The following FOCAD variants were observed in gnomAD, a reference collection of about 807,000 sequenced individuals.
The protein encoded by FOCAD is KIAA1797.
In FOCAD, 198 loss-of-function variants were observed where a neutral mutation model predicts 225.6. That is an observed-to-expected ratio of 0.88 (90% CI 0.78 to 0.99). The LOEUF is 0.99. Among genes scored for constraint, FOCAD ranks in the 50% least tolerant of loss-of-function variants. The probability of loss-of-function intolerance (pLI) is 0.00; values close to 1 mark genes in which losing one functional copy is unlikely to be tolerated. For missense variants in FOCAD, 2,713 were observed against 2,123.6 expected (o/e 1.28, Z -5.46); for synonymous variants, 897 against 755.0 (o/e 1.19, Z -3.08).
rs1837226294 is a variant in FOCAD, at chr9:20,946,773, G to A, written c.3628G>A (p.Glu1210Lys). ...SAGIIEATEA[E>K]DVMNKLRLLV... ...TGGAATTATTGAGGCTACAGAGGCT[G>A]AGGATGTTATGAACAAGCTTCGACT... Residue 1210 changes from glutamate to lysine, a missense_variant, in exon 30 of 44, where the codon GAG (glutamate) becomes AAG (lysine). Transcript: ENST00000338382. 2 of 1,613,758 alleles carry A rather than the reference G, an allele frequency of 1.2e-6. No homozygotes were observed. Among genetic ancestry groups the A allele is most frequent in the Admixed American group, 1.7e-5 (1 of 60,000 alleles).
chr9:20,940,911 A>AT lies in FOCAD; in HGVS notation c.3408-3715dup, dbSNP rs1836588385. ...GGAAAGCAGTTTGATGCTGGACAGT[A>AT]TACTGTGTATTTATTTTTTTTCTGA... On this transcript the variant is annotated intron_variant, in intron 28 of 43. Coordinates refer to ENST00000338382, the MANE Select transcript of FOCAD (RefSeq NM_001375567.1). Among the ~76,000 whole-genome samples, 4 of 152,144 alleles carry AT rather than the reference A, an allele frequency of 2.6e-5. No individual in the cohort carries two copies. In the South Asian group the frequency reaches 8.3e-4, roughly 32 times the overall value.
chr9:20,838,613 G>T (rs1272406110), intron 15 of FOCAD, among the ~76,000 whole-genome samples: 2 of 152,042 alleles, frequency 1.3e-5, no homozygotes, highest in African/African-American at 4.8e-5. Flanking sequence ...CCACTTGTTT[G>T]GCTCAGGTAC....
intron 4 of FOCAD, among the ~76,000 whole-genome samples, chr9:20,728,240 T>G (rs1826375786): frequency 6.6e-6 from 1 of 152,136 alleles, no homozygotes; most frequent in Non-Finnish European, 1.5e-5. Context: ...GGACCAGAAG[T>G]GTTTCAGATT....
At chr9:20,825,709 T>C (rs574056444) in intron 15 of FOCAD, among the ~76,000 whole-genome samples, 4 of 152,222 alleles carry the variant, frequency 2.6e-5, no homozygotes, top group South Asian at 4.1e-4. Context: ...ATGAACTCTT[T>C]CATCTTGAAA....
intron 28 of FOCAD, among the ~76,000 whole-genome samples, chr9:20,941,200 C>T (rs773583199): frequency 6.6e-6 from 1 of 152,160 alleles, no homozygotes. Flanking sequence ...ATGGACATCT[C>T]CCTGCTGAAA....
At chr9:20,833,067 C>A (rs1318133235) in intron 15 of FOCAD, among the ~76,000 whole-genome samples, 1 of 151,972 alleles carries the variant, frequency 6.6e-6, no homozygotes, top group East Asian at 1.9e-4. Context: ...TTTTTAGTTT[C>A]TTTAAGAACC....
At chr9:20,744,583 C>G (rs1227509509) in intron 5 of FOCAD, among the ~76,000 whole-genome samples, 1 of 152,186 alleles carries the variant, frequency 6.6e-6, no homozygotes, top group African/African-American at 2.4e-5. Flanking sequence ...TCTGTCTGCA[C>G]ATTAGAGCCC....
At chr9:20,761,023 G>GA (rs1054755711) in intron 6 of FOCAD, among the ~76,000 whole-genome samples, 1 of 151,650 alleles carries the variant, frequency 6.6e-6, no homozygotes, top group Non-Finnish European at 1.5e-5. Flanking sequence ...GATTTTTTGG[G>GA]GGGGGGCGTT....
At chr9:20,944,830 C>T (rs1225177403) in intron 29 of FOCAD, 56 bp downstream of exon 29, 1 of 1,524,300 alleles carries the variant, frequency 6.6e-7, no homozygotes, top group Non-Finnish European at 8.9e-7. Flanking sequence ...TTTCTTCTTG[C>T]CACTTATTTT....
At chr9:20,898,197 TA>T (rs1241677030) in intron 21 of FOCAD, among the ~76,000 whole-genome samples, 22 of 152,022 alleles carry the variant, frequency 1.4e-4, no homozygotes, top group African/African-American at 5.3e-4. Context: ...TTAAATACAA[TA>T]TACAAATACC....
At chr9:20,843,989 A>C (rs960965131) in intron 15 of FOCAD, among the ~76,000 whole-genome samples, 1 of 152,164 alleles carries the variant, frequency 6.6e-6, no homozygotes, top group Admixed American at 6.6e-5. Context: ...ATGAAAGACA[A>C]CCTTGGGCCA....
chr9:20,985,180 A>G (rs1841046699), intron 39 of FOCAD, among the ~76,000 whole-genome samples: 1 of 152,226 alleles, frequency 6.6e-6, no homozygotes, highest in Non-Finnish European at 1.5e-5. Flanking sequence ...ACTTTGTTAC[A>G]TTAAATTCCA....
intron 6 of FOCAD, 74 bp downstream of exon 6, chr9:20,758,265 T>G: frequency 9.3e-7 from 1 of 1,071,502 alleles, no homozygotes; most frequent in Non-Finnish European, 1.3e-6. Flanking sequence ...GCTAGGGTTT[T>G]TTTTTGTTTG....
intron 15 of FOCAD, among the ~76,000 whole-genome samples, chr9:20,823,855 A>T (rs544249642): frequency 1.3e-5 from 2 of 152,252 alleles, no homozygotes; most frequent in East Asian, 3.9e-4. Context: ...TGACAGCCAT[A>T]TTGAGCGTTA....
chr9:20,731,317 G>A (rs1826679975), intron 4 of FOCAD, among the ~76,000 whole-genome samples: 1 of 152,084 alleles, frequency 6.6e-6, no homozygotes, highest in Non-Finnish European at 1.5e-5. Context: ...TTCATTGCTT[G>A]ATAATATAAG....
chr9:20,992,601 T>G (rs917221386), intron 42 of FOCAD, among the ~76,000 whole-genome samples: 1 of 151,748 alleles, frequency 6.6e-6, no homozygotes, highest in African/African-American at 2.4e-5. Context: ...CCCATCAGAG[T>G]GATGAGAGAT....
intron 15 of FOCAD, among the ~76,000 whole-genome samples, chr9:20,841,767 T>G (rs985533714): frequency 6.6e-6 from 1 of 151,820 alleles, no homozygotes; most frequent in South Asian, 2.1e-4. Flanking sequence ...TCCCCTTTCA[T>G]CTTTGTTATT....
rs190276736 is a variant in FOCAD, at chr9:20,760,542, G to T, written c.494+2351G>T. 1.0e-3 allele frequency among the ~76,000 whole-genome samples: 156 copies of T among 152,220 alleles called. 2 individuals are homozygous for T. The highest frequency in any genetic ancestry group is 1.2e-4 in the Non-Finnish European group (8 of 68,016). ...CTTCTCTCCATGTTTTTACTTACTG[G>T]TATCTACTGTACTCTCTTGAATCTT... On this transcript the variant is annotated intron_variant, in intron 6 of 43. Coordinates refer to ENST00000338382, the MANE Select transcript of FOCAD (RefSeq NM_001375567.1).
intron 15 of FOCAD, among the ~76,000 whole-genome samples, chr9:20,826,103 T>G (rs1313854299): frequency 6.6e-6 from 1 of 152,104 alleles, no homozygotes; most frequent in Non-Finnish European, 1.5e-5. Flanking sequence ...TCTGTAATTG[T>G]TAATATTGAG....
Sources: allele counts gnomAD v4.1 joint callset (sites outside exome capture counted in the v4.1 genomes callset), GRCh38; gene constraint gnomAD v4.1.1; transcripts MANE v1.5; gene names NCBI Gene and HGNC (gene_info 2026-07-23, HGNC 2026-07-21).